The following DAB2IP variants were observed in gnomAD, a reference collection of about 807,000 sequenced individuals.
DAB2IP encodes the protein disabled homolog 2-interacting protein.
Under a neutral mutation model 107.2 loss-of-function variants are expected in DAB2IP, and 28 were observed. The observed-to-expected ratio is 0.26, with a 90% CI of 0.19 to 0.36. The LOEUF (loss-of-function observed/expected upper bound fraction) is 0.36. Ranked by LOEUF, DAB2IP falls within the 10% of genes least tolerant of loss-of-function variation. The probability of loss-of-function intolerance (pLI) is 1.00; values close to 1 mark genes in which losing one functional copy is unlikely to be tolerated. For synonymous variants in DAB2IP, 755 were observed against 706.4 expected (o/e 1.07, Z -1.09); for missense variants, 1,400 against 1,644.7 (o/e 0.85, Z 2.57).
At chr9:121,618,894 G>A (rs908490693) in intron 1 of DAB2IP, among the ~76,000 whole-genome samples, 2 of 152,108 alleles carry the variant, frequency 1.3e-5, no homozygotes, top group Non-Finnish European at 2.9e-5. Flanking sequence ...TCCCTAATCT[G>A]GTCCCAATTT....
At chr9:121,668,598 A>G (rs1460540666) in intron 1 of DAB2IP, among the ~76,000 whole-genome samples, 1 of 151,982 alleles carries the variant, frequency 6.6e-6, no homozygotes, top group Non-Finnish European at 1.5e-5. Flanking sequence ...TCTTCCTTCT[A>G]TTCTTTTCTC....
chr9:121,587,578 A>G (rs1251391651), intron 1 of DAB2IP, among the ~76,000 whole-genome samples: 1 of 151,474 alleles, frequency 6.6e-6, no homozygotes, highest in Non-Finnish European at 1.5e-5. Flanking sequence ...ACTGCACTCC[A>G]GTCTGAGCAA....
At chr9:121,630,796 C>G (rs1831848151) in intron 1 of DAB2IP, among the ~76,000 whole-genome samples, 1 of 151,922 alleles carries the variant, frequency 6.6e-6, no homozygotes, top group African/African-American at 2.4e-5. Context: ...TTAGTAGAGA[C>G]AGGGTTTCAC....
upstream of DAB2IP, chr9:121,651,540 CG>C: frequency 2.0e-6 from 1 of 498,252 alleles, no homozygotes; most frequent in African/African-American, 2.1e-5. This position sits in a 1 kb window ranked among gnomAD's most constrained non-coding sequence, Gnocchi z 5.1. Flanking sequence ...CTTTCCGGGC[CG>C]GTGCCAGCCC....
In DAB2IP at chr9:121,782,701, G is replaced by T; in HGVS notation, c.*203G>T. On this transcript the variant is annotated 3_prime_UTR_variant, in exon 16 of 16. Coordinates refer to ENST00000408936, the Ensembl canonical transcript of DAB2IP. The surrounding 1 kb of genome is among the most constrained non-coding windows in gnomAD (Gnocchi z 6.1). ...GCAGCGTGAGGCGAGGTCACCAGCC[G>T]CTCCCTGTGGGGTGCGGGCAGAAGA... 1 of 1,417,022 alleles carries T rather than the reference G, an allele frequency of 7.1e-7. No individual in the cohort carries two copies. Among genetic ancestry groups the T allele is most frequent in the Non-Finnish European group, 9.2e-7 (1 of 1,088,130 alleles). The allele number at this position is 1,417,022 out of a possible 1,614,324, so 87.8% of individuals were successfully genotyped here.
chr9:121,730,919 T>C (rs1482664972), intron 3 of DAB2IP, among the ~76,000 whole-genome samples: 2 of 152,212 alleles, frequency 1.3e-5, no homozygotes, highest in Admixed American at 1.3e-4. Context: ...GTGTGCACCA[T>C]GTGCCAGGCA....
rs1211847909 is a variant in DAB2IP, at chr9:121,776,183, C to T, written c.3121-15C>T. The T allele has an allele frequency of 1.3e-6, 2 of 1,563,530 alleles. No homozygotes were observed. The highest frequency in any genetic ancestry group is 3.8e-5 in the Admixed American group (2 of 52,016). On this transcript the variant is annotated splice_polypyrimidine_tract_variant and intron_variant, in intron 13 of 15. Transcript: ENST00000408936. This position sits in a 1 kb window ranked among gnomAD's most constrained non-coding sequence, Gnocchi z 5.4. ...GTCCTGGGTGCTGTGCCCGTGGACG[C>T]TGCCCTCCTGGTAGGACCTGGCGGT...
At chr9:121,785,099 G>T (rs1835920254) in exon 16 of DAB2IP, 1 of 152,662 alleles carries the variant, frequency 6.6e-6, no homozygotes, top group Non-Finnish European at 1.5e-5. Flanking sequence ...CATGTTCTGG[G>T]TGATGGAAAC....
At chr9:121,597,499 C>T (rs1227742542) in intron 1 of DAB2IP, among the ~76,000 whole-genome samples, 2 of 152,186 alleles carry the variant, frequency 1.3e-5, no homozygotes, top group South Asian at 2.1e-4. Flanking sequence ...ATACCAGATG[C>T]TGTGATTGTA....
intron 1 of DAB2IP, among the ~76,000 whole-genome samples, chr9:121,602,145 T>A (rs995871838): frequency 6.6e-6 from 1 of 152,118 alleles, no homozygotes; most frequent in Non-Finnish European, 1.5e-5. Context: ...TTTCAACAGA[T>A]CTGAATTTAG....
intron 5 of DAB2IP, 63 bp downstream of exon 5, chr9:121,759,059 CAA>C (rs1324909482): frequency 1.3e-5 from 19 of 1,498,104 alleles, no homozygotes; most frequent in African/African-American, 6.8e-5. Context: ...TAGGAGGAAA[CAA>C]GAGAGACTAT....
intron 3 of DAB2IP, among the ~76,000 whole-genome samples, chr9:121,749,702 G>A (rs919673505): frequency 3.9e-5 from 6 of 152,256 alleles, no homozygotes; most frequent in Middle Eastern, 3.4e-3. Flanking sequence ...CTTTCATTTC[G>A]CCTCAGGAAA....
At chr9:121,735,826 C>T (rs1362043070) in intron 3 of DAB2IP, among the ~76,000 whole-genome samples, 1 of 152,190 alleles carries the variant, frequency 6.6e-6, no homozygotes, top group African/African-American at 2.4e-5. Flanking sequence ...GTGCCTTTCC[C>T]CTAGGGGTTT....
chr9:121,780,900 A>G (rs1356238515), intron 14 of DAB2IP, among the ~76,000 whole-genome samples: 2 of 152,148 alleles, frequency 1.3e-5, no homozygotes, highest in African/African-American at 2.4e-5. Flanking sequence ...CCCACCCTCC[A>G]GGGAACGTCA....
chr9:121,724,223 G>C (rs950063042), intron 3 of DAB2IP, among the ~76,000 whole-genome samples: 1 of 152,010 alleles, frequency 6.6e-6, no homozygotes, highest in African/African-American at 2.4e-5. Flanking sequence ...TTATGACTCA[G>C]GTTCCTTCCT....
intron 1 of DAB2IP, among the ~76,000 whole-genome samples, chr9:121,677,997 T>A (rs1828357487): frequency 6.6e-6 from 1 of 152,210 alleles, no homozygotes; most frequent in South Asian, 2.1e-4. Flanking sequence ...CGATAAAATA[T>A]GTAAAACATA....
At chr9:121,757,730 C>G (rs759470987) in intron 4 of DAB2IP, among the ~76,000 whole-genome samples, 13 of 150,834 alleles carry the variant, frequency 8.6e-5, no homozygotes, top group Admixed American at 2.6e-4. Flanking sequence ...CACAGCAAGG[C>G]TGAGACCAAG....
intron 6 of DAB2IP, among the ~76,000 whole-genome samples, chr9:121,761,578 C>A (rs566198541): frequency 6.6e-6 from 1 of 152,202 alleles, no homozygotes; most frequent in African/African-American, 2.4e-5. Flanking sequence ...GCCTCTGCAG[C>A]CCCCCTCCCT....
chr9:121,617,047 A>G (rs1831303821), intron 1 of DAB2IP, among the ~76,000 whole-genome samples: 2 of 152,112 alleles, frequency 1.3e-5, no homozygotes, highest in African/African-American at 4.8e-5. Flanking sequence ...AAAAGGGAGT[A>G]GGGTGGCCAG....
Sources: gnomAD v4.1 joint callset for allele counts (sites outside exome capture counted in the v4.1 genomes callset) on GRCh38, gnomAD v4.1.1 for gene constraint, Gnocchi (gnomAD v3.1) non-coding constraint, MANE v1.5 for transcripts, NCBI Gene and HGNC (gene_info 2026-07-23, HGNC 2026-07-21) for gene names.